Variants in ZNF644 observed in about 807,000 individuals in gnomAD.
The protein encoded by ZNF644 is zinc finger motif enhancer binding protein 2.
ZNF644 carries 20 observed loss-of-function variants against 108.0 expected under a neutral mutation model. That is an observed-to-expected ratio of 0.19 (90% CI 0.13 to 0.27). The LOEUF (loss-of-function observed/expected upper bound fraction) is 0.27, where lower values mean the gene tolerates loss of function less well. ZNF644 is among the 10% of genes least tolerant of loss of function. ZNF644 has a pLI of 1.00. For missense variants in ZNF644, 1,338 were observed against 1,548.9 expected, an observed-to-expected ratio of 0.86 and a Z score of 2.29; for synonymous variants, 542 against 539.1, an observed-to-expected ratio of 1.01 and a Z score of -0.08.
chr1:90,979,895 T>C (rs1260631493), intron 2 of ZNF644, among the ~76,000 whole-genome samples: 2 of 152,208 alleles, frequency 1.3e-5, no homozygotes, highest in African/African-American at 2.4e-5. Context: ...TAAGAATATT[T>C]TACTAGCCAC....
intron 2 of ZNF644, among the ~76,000 whole-genome samples, chr1:90,973,426 C>T (rs920751637): frequency 1.3e-5 from 2 of 152,076 alleles, no homozygotes; most frequent in African/African-American, 2.4e-5. Context: ...TAAACTACCC[C>T]GTTCAAATCC....
Position 90,916,843 on chromosome 1 carries a change from A to G in ZNF644, c.3939T>C (p.Ile1313=). Residue 1313 remains isoleucine (I), a synonymous_variant, in exon 6 of 6, where the codon ATT becomes ATC. Transcript: ENST00000337393. ...TTAGTAGAGAAAATGAAGTTTCTGT[A>G]ATGGAGGCAGGCTTTTTAAGTAGTG... ...VTSLLKKPAS[I]TETSFSLLMA... 1 of 1,614,186 alleles carries G rather than the reference A, an allele frequency of 6.2e-7. No homozygotes were observed. Among genetic ancestry groups the G allele is most frequent in the Non-Finnish European group, 8.5e-7 (1 of 1,180,030 alleles).
intron 4 of ZNF644, chr1:90,935,643 G>T: frequency 1.4e-6 from 1 of 697,578 alleles, no homozygotes. Context: ...AACGTTCAAT[G>T]AAATAGGTTA....
In ZNF644 at chr1:90,916,865, A is replaced by G. The variant is rs1262750460; in HGVS notation, c.3917T>C (p.Leu1306Pro). The change falls in exon 6 of 6, where the codon CTA becomes CCA. Residue 1306 changes from leucine (L) to proline (P), a missense_variant. Coordinates refer to ENST00000337393, the MANE Select transcript of ZNF644 (RefSeq NM_201269.3). ...TGTAATGGAGGCAGGCTTTTTAAGT[A>G]GTGACGTGACTTCCACCATGCCAGC... ...TGAGMVEVTS[L>P]LKKPASITET... The G allele has an allele frequency of 1.2e-6, 2 of 1,614,094 alleles. No individual in the cohort carries two copies. The highest frequency in any genetic ancestry group is 2.2e-5 in the East Asian group (1 of 44,894).
chr1:90,995,229 GA>G (rs1398030510), intron 1 of ZNF644, among the ~76,000 whole-genome samples: 1 of 151,780 alleles, frequency 6.6e-6, no homozygotes, highest in African/African-American at 2.4e-5. Flanking sequence ...AGAAAAAGCT[GA>G]AAAATACAAT....
chr1:90,931,828 A>G (rs545205447), intron 4 of ZNF644, among the ~76,000 whole-genome samples: 1 of 152,268 alleles, frequency 6.6e-6, no homozygotes, highest in East Asian at 1.9e-4. Flanking sequence ...TAAAAAAAAA[A>G]GAACTTCTTA....
At chr1:90,925,369 G>A (rs1002743230) in intron 4 of ZNF644, among the ~76,000 whole-genome samples, 18 of 151,972 alleles carry the variant, frequency 1.2e-4, no homozygotes, top group African/African-American at 3.4e-4. Flanking sequence ...CATAGAAACC[G>A]CTTTTTTTCT....
At position 90,939,327 on chromosome 1, in the gene ZNF644, T is replaced by C. The variant is rs753789506; in HGVS notation, c.2027A>G (p.Lys676Arg). The part of the protein sequence containing the change: ...GSTSQSSSFS[K>R]IHKRPHRIQK... The stretch of plus-strand genomic sequence containing the variant: ...TATTCTGTGTGGCCGCTTATGAATT[T>C]TTGAAAAACTACTTGATTGTGAGGT... Residue 676 changes from lysine to arginine, a missense_variant, in exon 3 of 6, where the codon AAA (lysine) becomes AGA (arginine). By Grantham distance (26) the Lys-to-Arg change is conservative. This residue lies in a region of ZNF644 where 462 missense variants were observed against 472.6 expected (regional missense o/e 0.98). Coordinates refer to ENST00000337393, the MANE Select transcript of ZNF644 (RefSeq NM_201269.3). 2 of 1,614,016 alleles carry C rather than the reference T, an allele frequency of 1.2e-6. No homozygotes were observed. Among genetic ancestry groups the C allele is most frequent in the Non-Finnish European group, 1.7e-6 (2 of 1,179,932 alleles).
At chr1:91,011,403 T>C (rs1659949901) in intron 1 of ZNF644, among the ~76,000 whole-genome samples, 1 of 152,188 alleles carries the variant, frequency 6.6e-6, no homozygotes, top group Non-Finnish European at 1.5e-5. Context: ...CAAAACCAGA[T>C]ATACTAGAAT....
rs527669554 is a variant in ZNF644 at position 91,021,731 on chromosome 1, C to T, written c.-18+259G>A. 34 of 274,316 alleles carry T rather than the reference C, an allele frequency of 1.2e-4. No individual in the cohort carries two copies. In the South Asian group the frequency reaches 4.2e-3, roughly 34 times the overall value. The allele number at this position is 274,316 out of a possible 1,614,324, so 17.0% of individuals were successfully genotyped here. On this transcript the variant is annotated intron_variant, in intron 1 of 5. Transcript: ENST00000337393. ...CCAGCGACCGCCGCGGCCGCCGCCT[C>T]CCCGAACCCGGGGCCCGGGCTCCTT...
At chr1:90,999,089 G>A (rs1442682926) in intron 1 of ZNF644, among the ~76,000 whole-genome samples, 1 of 152,204 alleles carries the variant, frequency 6.6e-6, no homozygotes, top group Admixed American at 6.5e-5. Flanking sequence ...AAAGTGACAA[G>A]AAGAATGAAA....
At chr1:90,927,631 C>T (rs540432724) in intron 4 of ZNF644, among the ~76,000 whole-genome samples, 2 of 151,340 alleles carry the variant, frequency 1.3e-5, no homozygotes, top group South Asian at 4.2e-4. Flanking sequence ...ATAAATGATA[C>T]GTTACTGTGC....
chr1:90,951,277 C>T (rs771279421), intron 2 of ZNF644, among the ~76,000 whole-genome samples: 1 of 152,114 alleles, frequency 6.6e-6, no homozygotes, highest in Non-Finnish European at 1.5e-5. Context: ...TAAAATGACT[C>T]CCTGTTTTTC....
intron 1 of ZNF644, among the ~76,000 whole-genome samples, chr1:91,012,443 A>C (rs1479530413): frequency 6.6e-6 from 1 of 151,928 alleles, no homozygotes; most frequent in African/African-American, 2.4e-5. Context: ...GCGCCAATGC[A>C]CTCCAGCTAG....
intron 1 of ZNF644, among the ~76,000 whole-genome samples, chr1:91,012,669 T>C (rs1022169896): frequency 6.6e-6 from 1 of 152,128 alleles, no homozygotes; most frequent in Admixed American, 6.5e-5. Flanking sequence ...TAGGCTCTAA[T>C]CACGGAAAAT....
chr1:90,939,039 A>G lies in ZNF644; in HGVS notation c.2315T>C (p.Leu772Ser). ...ATTACTTGATGATGAAAACAGGTGT[A>G]AAGAATTTAATGAACTAGCTTCTTC... ...KKEEASSLNS[L>S]HLFSSSSNSH... The change falls in exon 3 of 6, where the codon TTA becomes TCA. Residue 772 changes from leucine (L) to serine (S), a missense_variant. Leu to Ser is a moderately radical substitution (Grantham distance 145). This residue lies in a region of ZNF644 where 462 missense variants were observed against 472.6 expected (regional missense o/e 0.98). Coordinates refer to ENST00000337393, the MANE Select transcript of ZNF644 (RefSeq NM_201269.3). 6.2e-7 allele frequency: 1 copy of G among 1,614,054 alleles called. No homozygotes were observed. The highest frequency in any genetic ancestry group is 1.1e-5 in the South Asian group (1 of 91,078).
At chr1:90,928,017 G>A (rs1033476137) in intron 4 of ZNF644, among the ~76,000 whole-genome samples, 15 of 144,604 alleles carry the variant, frequency 1.0e-4, no homozygotes, top group African/African-American at 2.6e-4. Flanking sequence ...CTACTTTTTC[G>A]TATTTTTTAG....
rs769065721 is a variant in ZNF644 at position 90,916,786 on chromosome 1, G to C, written c.*12C>G. 11 of 1,613,712 alleles carry C rather than the reference G, an allele frequency of 6.8e-6. No individual in the cohort carries two copies. In the East Asian group the frequency reaches 1.6e-4, roughly 23 times the overall value. On this transcript the variant is annotated 3_prime_UTR_variant, in exon 6 of 6. Transcript: ENST00000337393. ...TCCAATTCAAACTGGCTATTTAAAA[G>C]GTTTCCTGGTTCTATGAAGCTGCTT...
At chr1:90,941,907 A>C (rs1402549433) in intron 2 of ZNF644, among the ~76,000 whole-genome samples, 3 of 152,192 alleles carry the variant, frequency 2.0e-5, no homozygotes, top group Non-Finnish European at 4.4e-5. Flanking sequence ...CCTTTTTAAA[A>C]GACTGCTTTG....
Sources: allele counts gnomAD v4.1 joint callset (sites outside exome capture counted in the v4.1 genomes callset), GRCh38; gene constraint gnomAD v4.1.1; regional missense constraint gnomAD v4.1.1; transcripts MANE v1.5; gene names NCBI Gene and HGNC (gene_info 2026-07-23, HGNC 2026-07-21).